ST6GALNAC3: variants seen among roughly 807,000 people sequenced by gnomAD.
ST6GALNAC3 encodes ST6 N-acetylgalactosaminide alpha-2,6-sialyltransferase 3.
A neutral mutation model predicts 32.7 loss-of-function variants in ST6GALNAC3; 25 were observed. The ratio of observed to expected loss-of-function variants is 0.76; its 90% CI spans 0.56 to 1.07. The LOEUF is 1.07. Among genes scored for constraint, ST6GALNAC3 ranks in the 50% least tolerant of loss-of-function variants. The probability of loss-of-function intolerance (pLI) is 0.00; values close to 1 mark genes in which losing one functional copy is unlikely to be tolerated. For synonymous variants in ST6GALNAC3, 129 were observed against 133.1 expected, an observed-to-expected ratio of 0.97 and a Z score of 0.21; for missense variants, 355 against 382.4, an observed-to-expected ratio of 0.93 and a Z score of 0.60.
chr1:76,629,127 G>A lies in ST6GALNAC3; in HGVS notation c.*321G>A. On this transcript the variant is annotated 3_prime_UTR_variant, in exon 5 of 5. Coordinates refer to ENST00000328299, the MANE Select transcript of ST6GALNAC3 (RefSeq NM_152996.4). ...GGGAAGATTATCTTTCAAGATAGCT[G>A]CCTAGAATTGTTCAACAGTGAGTAA... 9.2e-7 allele frequency: 1 copy of A among 1,084,398 alleles called. No homozygotes were observed. The highest frequency in any genetic ancestry group is 1.1e-6 in the Non-Finnish European group (1 of 894,806). 67.2% of individuals were successfully genotyped at this position (1,084,398 alleles called of 1,614,324 possible). A position where few individuals can be genotyped will look rare whatever the true frequency, so the allele number is the denominator to read the frequency against.
Position 76,631,719 on chromosome 1 carries a change from T to C in ST6GALNAC3, c.*2913T>C, listed in dbSNP as rs1649309138. 1 of 152,094 alleles carries C rather than the reference T, an allele frequency of 6.6e-6. No individual in the cohort carries two copies. Among genetic ancestry groups the C allele is most frequent in the South Asian group, 2.1e-4 (1 of 4,834 alleles). 9.4% of individuals were successfully genotyped at this position (152,094 alleles called of 1,614,324 possible). A position where few individuals can be genotyped will look rare whatever the true frequency, so the allele number is the denominator to read the frequency against. ...AATAAAAATATTTCAATACTATCCG[T>C]GCTTCTTGGAAAATGAACTATAAAA... On this transcript the variant is annotated 3_prime_UTR_variant, in exon 5 of 5. Coordinates refer to ENST00000328299, the MANE Select transcript of ST6GALNAC3 (RefSeq NM_152996.4).
intron 1 of ST6GALNAC3, among the ~76,000 whole-genome samples, chr1:76,213,787 A>G (rs72675922): frequency 6.6e-5 from 10 of 152,298 alleles, no homozygotes; most frequent in Middle Eastern, 3.4e-3. Context: ...AGATGAAGTC[A>G]TCTACCTCTC....
chr1:76,275,759 T>C (rs1165303462), intron 1 of ST6GALNAC3, among the ~76,000 whole-genome samples: 1 of 152,248 alleles, frequency 6.6e-6, no homozygotes, highest in Admixed American at 6.5e-5. Flanking sequence ...TTCTGTATTA[T>C]GTATTTTAAA....
At chr1:76,607,805 T>C (rs1028732086) in intron 3 of ST6GALNAC3, among the ~76,000 whole-genome samples, 1 of 152,116 alleles carries the variant, frequency 6.6e-6, no homozygotes, top group East Asian at 1.9e-4. Flanking sequence ...GCCCAGTACC[T>C]GTGTGTAGGG....
At chr1:76,284,687 A>G (rs906431520) in intron 1 of ST6GALNAC3, among the ~76,000 whole-genome samples, 1 of 152,164 alleles carries the variant, frequency 6.6e-6, no homozygotes, top group Non-Finnish European at 1.5e-5. Context: ...ACAGCCAAAT[A>G]TCAAACCTGA....
intron 1 of ST6GALNAC3, among the ~76,000 whole-genome samples, chr1:76,177,464 C>T (rs568885076): frequency 3.9e-5 from 6 of 152,124 alleles, no homozygotes; most frequent in African/African-American, 1.2e-4. Flanking sequence ...GTTTTAGGCT[C>T]TAAAGGATCT....
At chr1:76,259,314 A>G (rs1024379223) in intron 1 of ST6GALNAC3, among the ~76,000 whole-genome samples, 2 of 152,186 alleles carry the variant, frequency 1.3e-5, no homozygotes, top group Admixed American at 6.6e-5. Context: ...ATGGGTGTCA[A>G]TAGTGGTAAG....
At chr1:76,082,517 A>G (rs1018450742) in intron 1 of ST6GALNAC3, among the ~76,000 whole-genome samples, 23 of 152,180 alleles carry the variant, frequency 1.5e-4, no homozygotes, top group African/African-American at 5.3e-4. Flanking sequence ...GGGCCTAGGA[A>G]AAGGTTCAAA....
At chr1:76,136,267 C>T (rs1398384624) in intron 1 of ST6GALNAC3, among the ~76,000 whole-genome samples, 4 of 152,116 alleles carry the variant, frequency 2.6e-5, no homozygotes, top group South Asian at 2.1e-4. Context: ...TTATTTCTGT[C>T]GGGAGGCAAA....
At chr1:76,228,504 G>C (rs1656196129) in intron 1 of ST6GALNAC3, among the ~76,000 whole-genome samples, 1 of 152,092 alleles carries the variant, frequency 6.6e-6, no homozygotes, top group Admixed American at 6.6e-5. Flanking sequence ...ATTCATTTCT[G>C]CCCTACTTTC....
chr1:76,313,955 C>A lies in ST6GALNAC3; in HGVS notation c.169C>A (p.Pro57Thr). Residue 57 changes from proline to threonine, a missense_variant, in exon 2 of 5, where the codon CCC becomes ACC. Coordinates refer to ENST00000328299, the MANE Select transcript of ST6GALNAC3 (RefSeq NM_152996.4). ...ACCATTCTCCTACACATACAGGCGG[C>A]CCCTTCGAACTCACTATGGATACAT... ...WIPFSYTYRRPLRTHYGYINV... is the reference protein window; with the variant it reads ...WIPFSYTYRRTLRTHYGYINV... 6.2e-7 allele frequency: 1 copy of A among 1,613,226 alleles called. No homozygotes were observed. The highest frequency in any genetic ancestry group is 8.5e-7 in the Non-Finnish European group (1 of 1,179,522).
At chr1:76,484,688 T>G (rs1292554753) in intron 3 of ST6GALNAC3, among the ~76,000 whole-genome samples, 1 of 152,224 alleles carries the variant, frequency 6.6e-6, no homozygotes, top group Non-Finnish European at 1.5e-5. Flanking sequence ...TTTGACTTCC[T>G]CTTTTCCTAA....
At chr1:76,418,467 T>G (rs1023668455) in intron 3 of ST6GALNAC3, among the ~76,000 whole-genome samples, 2 of 152,084 alleles carry the variant, frequency 1.3e-5, no homozygotes, top group African/African-American at 4.8e-5. Context: ...TGTGCATAGT[T>G]TGCCCGAAGA....
At chr1:76,556,018 G>A (rs1664899135) in intron 3 of ST6GALNAC3, among the ~76,000 whole-genome samples, 1 of 151,962 alleles carries the variant, frequency 6.6e-6, no homozygotes. Context: ...ATACCCATTA[G>A]CAGTCTACTC....
At chr1:76,438,763 C>T (rs1442423368) in intron 3 of ST6GALNAC3, among the ~76,000 whole-genome samples, 1 of 152,162 alleles carries the variant, frequency 6.6e-6, no homozygotes, top group Non-Finnish European at 1.5e-5. Flanking sequence ...GAAATGGCAC[C>T]TCCTCCACAA....
rs116676622 is a variant in ST6GALNAC3, at chr1:76,085,320, C to T, written c.18+10436C>T. ...CTCTTTACAGGTAAAGTTTGCCAAC[C>T]CTTGTGCTAGGCTGTTGAGTTCTTT... is the stretch of plus-strand genomic sequence containing the variant. On this transcript the variant is annotated intron_variant, in intron 1 of 4. Coordinates refer to ENST00000328299, the MANE Select transcript of ST6GALNAC3 (RefSeq NM_152996.4). Among the ~76,000 whole-genome samples the T allele has an allele frequency of 6.0e-3, 907 of 152,262 alleles. 7 individuals carry two copies. The highest frequency in any genetic ancestry group is 9.3e-3 in the Non-Finnish European group (630 of 68,026).
At chr1:76,137,053 G>A (rs1649991300) in intron 1 of ST6GALNAC3, among the ~76,000 whole-genome samples, 1 of 152,182 alleles carries the variant, frequency 6.6e-6, no homozygotes, top group Non-Finnish European at 1.5e-5. Flanking sequence ...CAATATTACA[G>A]AGCCAGGAAG....
At chr1:76,334,998 A>G (rs969031310) in intron 2 of ST6GALNAC3, among the ~76,000 whole-genome samples, 5 of 152,224 alleles carry the variant, frequency 3.3e-5, no homozygotes, top group African/African-American at 1.2e-4. Flanking sequence ...AGCTCTTCTA[A>G]TATTAAACCC....
intron 1 of ST6GALNAC3, among the ~76,000 whole-genome samples, chr1:76,267,843 A>C (rs1658620048): frequency 6.6e-6 from 1 of 152,230 alleles, no homozygotes; most frequent in African/African-American, 2.4e-5. Flanking sequence ...CTCTCTAATG[A>C]CTGTGACTGC....
Sources: allele counts gnomAD v4.1 joint callset (sites outside exome capture counted in the v4.1 genomes callset), GRCh38; gene constraint gnomAD v4.1.1; transcripts MANE v1.5; gene names NCBI Gene and HGNC (gene_info 2026-07-23, HGNC 2026-07-21).